Variants in TCF20 observed in about 807,000 individuals in gnomAD.
TCF20 encodes SPRE-binding protein.
Under a neutral mutation model 148.6 loss-of-function variants are expected in TCF20, and 3 were observed. The observed-to-expected ratio is 0.02, with a 90% CI of 0.01 to 0.05. The LOEUF (loss-of-function observed/expected upper bound fraction) is 0.05, where lower values mean the gene tolerates loss of function less well. TCF20 is among the 10% of genes least tolerant of loss of function. The probability of loss-of-function intolerance (pLI) is 1.00; values close to 1 mark genes in which losing one functional copy is unlikely to be tolerated. For synonymous variants in TCF20, 1,049 were observed against 909.5 expected, an observed-to-expected ratio of 1.15 and a Z score of -2.76; for missense variants, 2,350 against 2,429.3, an observed-to-expected ratio of 0.97 and a Z score of 0.69.
At chr22:42,315,685 C>T (rs976081576) in intron 1 of TCF20, among the ~76,000 whole-genome samples, 1 of 152,170 alleles carries the variant, frequency 6.6e-6, no homozygotes, top group Admixed American at 6.5e-5. Context: ...CATAAGACAT[C>T]TACCATCCTG....
chr22:42,230,976 C>T (rs1014355777), intron 1 of TCF20, among the ~76,000 whole-genome samples: 1 of 151,578 alleles, frequency 6.6e-6, no homozygotes, highest in African/African-American at 2.4e-5. Flanking sequence ...CTGGCCAACA[C>T]GGTGAAACCC....
At chr22:42,180,430 A>T (rs1936714314) in intron 2 of TCF20, among the ~76,000 whole-genome samples, 1 of 152,162 alleles carries the variant, frequency 6.6e-6, no homozygotes, top group Non-Finnish European at 1.5e-5. Context: ...CAGCCCTGTG[A>T]TGTGGCTGCT....
intron 1 of TCF20, among the ~76,000 whole-genome samples, chr22:42,324,224 T>C (rs986896765): frequency 1.3e-5 from 2 of 150,098 alleles, no homozygotes; most frequent in African/African-American, 2.5e-5. Flanking sequence ...GTGGTGATGA[T>C]GGTGGTGATG....
intron 1 of TCF20, among the ~76,000 whole-genome samples, chr22:42,238,294 C>G (rs1924060354): frequency 6.6e-6 from 1 of 152,218 alleles, no homozygotes; most frequent in Non-Finnish European, 1.5e-5. Context: ...CTTTTTTCAG[C>G]CTTCACAGAA....
chr22:42,264,692 C>T (rs1487724718), intron 1 of TCF20, among the ~76,000 whole-genome samples: 1 of 152,218 alleles, frequency 6.6e-6, no homozygotes, highest in Non-Finnish European at 1.5e-5. Flanking sequence ...AGTAACATCC[C>T]CTGAGTTATT....
At position 42,228,686 on chromosome 22, in the gene TCF20, A is replaced by C. The variant is rs5751246; in HGVS notation, c.-36-13345T>G. On this transcript the variant is annotated intron_variant, in intron 1 of 5. Transcript: ENST00000677622. ...CGATTCCCATTGCACATCCACATGG[A>C]AACAGCAGGGAGACAGCCAATGCGA... is the stretch of plus-strand genomic sequence containing the variant. 3.0e-4 allele frequency among the ~76,000 whole-genome samples: 46 copies of C among 152,370 alleles called. No homozygotes were observed. The East Asian group carries it at 7.7e-3, about 26-fold the overall frequency.
At chr22:42,302,434 C>T (rs910241263) in intron 1 of TCF20, among the ~76,000 whole-genome samples, 6 of 152,174 alleles carry the variant, frequency 3.9e-5, no homozygotes, top group African/African-American at 1.4e-4. Context: ...CGTTCCTCTA[C>T]CCTCAAAGAG....
intron 1 of TCF20, among the ~76,000 whole-genome samples, chr22:42,298,895 G>A (rs961560263): frequency 1.3e-5 from 2 of 152,178 alleles, no homozygotes; most frequent in African/African-American, 2.4e-5. Context: ...CGGCCTCCAG[G>A]AGCCATCCCT....
intron 1 of TCF20, among the ~76,000 whole-genome samples, chr22:42,335,107 G>A (rs1045775410): frequency 3.3e-5 from 5 of 151,888 alleles, no homozygotes; most frequent in African/African-American, 9.7e-5. Flanking sequence ...TCCTGCTCCC[G>A]GGGCCCTGCC....
chr22:42,258,866 GA>G (rs994435322), intron 1 of TCF20, among the ~76,000 whole-genome samples: 2 of 151,922 alleles, frequency 1.3e-5, no homozygotes, highest in Non-Finnish European at 2.9e-5. Context: ...TATATTAAAA[GA>G]AAAAAACACA....
In TCF20 at chr22:42,213,681, G is replaced by A; in HGVS notation, c.1625C>T (p.Thr542Ile). 6.2e-7 allele frequency: 1 copy of A among 1,614,014 alleles called. No homozygotes were observed. Reference sequence around the variant, plus strand: ...ACCCTTGTAGGTGGTGTCAGAGCTGGTGCTCTGGCCACTTAGTTGCCGCAC... The same window carrying A: ...ACCCTTGTAGGTGGTGTCAGAGCTGATGCTCTGGCCACTTAGTTGCCGCAC... ...ERVRQLSGQS[T>I]SSDTTYKGGA... Residue 542 changes from threonine to isoleucine, a missense_variant, in exon 2 of 6, where the codon ACC becomes ATC. Thr to Ile is a moderately conservative substitution (Grantham distance 89). This residue lies in a region of TCF20 where 1,641 missense variants were observed against 1,662.6 expected (regional missense o/e 0.99). Transcript: ENST00000677622.
intron 1 of TCF20, among the ~76,000 whole-genome samples, chr22:42,247,454 A>AAG (rs1316916845): frequency 1.3e-5 from 2 of 151,602 alleles, no homozygotes; most frequent in East Asian, 1.9e-4. Context: ...AAAAAAAAAA[A>AAG]AAAGATAAGA....
chr22:42,161,972 C>CTTTTTTTTTTTTTTTTTTTTT (rs3045573), intron 5 of TCF20, among the ~76,000 whole-genome samples: 2 of 75,030 alleles, frequency 2.7e-5, no homozygotes, highest in African/African-American at 1.3e-4. Context: ...TAATGACAGT[C>CTTTTTTTTTTTTTTTTTTTTT]TTTTTTTTTT....
chr22:42,190,937 G>A (rs1011846538), intron 2 of TCF20, among the ~76,000 whole-genome samples: 5 of 152,162 alleles, frequency 3.3e-5, no homozygotes, highest in East Asian at 1.9e-4. Context: ...ACTTGCTGTG[G>A]GTTTTTAATG....
chr22:42,197,617 C>T lies in TCF20; in HGVS notation c.5655+12034G>A, dbSNP rs553848433. Among the ~76,000 whole-genome samples the T allele has an allele frequency of 1.2e-3, 185 of 152,246 alleles. 2 individuals carry two copies. The South Asian group carries it at 0.038, about 31-fold the overall frequency. On this transcript the variant is annotated intron_variant, in intron 2 of 5. Coordinates refer to ENST00000677622, the MANE Select transcript of TCF20 (RefSeq NM_001378418.1). ...GATTACAGGCGTGAGCCACCGTGCC[C>T]GGCTGGGATGAGAAACTTTTTAAGA... is the stretch of plus-strand genomic sequence containing the variant.
chr22:42,330,406 T>C (rs542939530), intron 1 of TCF20, among the ~76,000 whole-genome samples: 2 of 152,224 alleles, frequency 1.3e-5, no homozygotes, highest in African/African-American at 4.8e-5. Context: ...TCAGGGCCTT[T>C]GTACACGCTG....
At chr22:42,275,901 C>G (rs1926767468) in intron 1 of TCF20, among the ~76,000 whole-genome samples, 1 of 152,178 alleles carries the variant, frequency 6.6e-6, no homozygotes, top group African/African-American at 2.4e-5. Flanking sequence ...CTTACAACAA[C>G]CCTATAAAGT....
intron 1 of TCF20, among the ~76,000 whole-genome samples, chr22:42,235,241 G>T (rs1439858776): frequency 1.3e-5 from 2 of 151,880 alleles, no homozygotes; most frequent in Non-Finnish European, 2.9e-5. Context: ...ATGTATAAAT[G>T]TAACAGACAC....
rs538993110 is a variant in TCF20, at chr22:42,230,896, C to T, written c.-36-15555G>A. Among the ~76,000 whole-genome samples, 65 of 152,168 alleles carry T rather than the reference C, an allele frequency of 4.3e-4. No homozygotes were observed. The South Asian group carries it at 0.012, about 29-fold the overall frequency. Reference sequence around the variant, plus strand: ...AAATATGGCTCGGTGAGGTGGCTCACGTCTGTAATCCCAGTACTTTGGAAG... The same window carrying T: ...AAATATGGCTCGGTGAGGTGGCTCATGTCTGTAATCCCAGTACTTTGGAAG... On this transcript the variant is annotated intron_variant, in intron 1 of 5. Coordinates refer to ENST00000677622, the MANE Select transcript of TCF20 (RefSeq NM_001378418.1).
Sources: gnomAD v4.1 joint callset for allele counts (sites outside exome capture counted in the v4.1 genomes callset) on GRCh38, gnomAD v4.1.1 for gene constraint, gnomAD v4.1.1 regional missense constraint, MANE v1.5 for transcripts, NCBI Gene and HGNC (gene_info 2026-07-23, HGNC 2026-07-21) for gene names.